The following NFAT5 variants were observed in gnomAD, a reference collection of about 807,000 sequenced individuals.
NFAT5 encodes the protein nuclear factor of activated T cells 5.
In NFAT5, 31 loss-of-function variants were observed where a neutral mutation model predicts 166.5. The observed-to-expected ratio is 0.19, with a 90% CI of 0.14 to 0.25. The LOEUF is 0.25. Ranked by LOEUF, NFAT5 falls within the 10% of genes least tolerant of loss-of-function variation. The pLI, the probability that NFAT5 is intolerant of heterozygous loss-of-function variation, is 1.00. For synonymous variants in NFAT5, 612 were observed against 639.7 expected (o/e 0.96, Z 0.65); for missense variants, 1,449 against 1,821.8 (o/e 0.80, Z 3.72).
chr16:69,683,614 A>G (rs1467995282), intron 10 of NFAT5, among the ~76,000 whole-genome samples: 2 of 152,178 alleles, frequency 1.3e-5, no homozygotes, highest in East Asian at 3.9e-4. Context: ...AATTTATTAA[A>G]CTTTATTTTT....
chr16:69,593,029 T>A (rs1170458504), intron 2 of NFAT5, among the ~76,000 whole-genome samples: 1 of 152,204 alleles, frequency 6.6e-6, no homozygotes, highest in Non-Finnish European at 1.5e-5. Flanking sequence ...TAAGTACATA[T>A]TTTTCTAATT....
intron 3 of NFAT5, 37 bp from the exon 4 acceptor site, chr16:69,646,991 A>C (rs771176891): frequency 7.4e-6 from 11 of 1,485,494 alleles, no homozygotes; most frequent in Non-Finnish European, 9.9e-6. Context: ...AGGTGAAAAC[A>C]TGTATAGTGT....
At chr16:69,644,983 A>T in intron 3 of NFAT5, 1 of 279,666 alleles carries the variant, frequency 3.6e-6, no homozygotes, top group South Asian at 3.4e-5. Flanking sequence ...AAAATGAAGA[A>T]CATAGGCTCA....
At position 69,641,845 on chromosome 16, in the gene NFAT5, C is replaced by T. The variant is rs567942690; in HGVS notation, c.254-5183C>T. On this transcript the variant is annotated intron_variant, in intron 3 of 14. Transcript: ENST00000349945. ...GGGCATGGTGCCTCATGCCTGTAAT[C>T]CTAGCACTTTGGGAGGCTGAGGTGG... Among the ~76,000 whole-genome samples the T allele has an allele frequency of 4.2e-4, 64 of 152,184 alleles. 2 individuals are homozygous for T. In the South Asian group the frequency reaches 0.013, roughly 30 times the overall value.
chr16:69,593,776 C>T (rs535673001), intron 2 of NFAT5, among the ~76,000 whole-genome samples: 6 of 152,186 alleles, frequency 3.9e-5, no homozygotes, highest in South Asian at 2.1e-4. Flanking sequence ...GAAGAAAACA[C>T]GCCATTTTGT....
At position 69,693,762 on chromosome 16, in the gene NFAT5, C is replaced by A; in HGVS notation, c.3937C>A (p.Gln1313Lys). The change falls in exon 13 of 15, where the codon CAA becomes AAA. Residue 1313 changes from glutamine to lysine, a missense_variant. Gln to Lys is a moderately conservative substitution (Grantham distance 53). Transcript: ENST00000349945. Reference protein sequence around the residue: ...PPPNMIFNPNQNPMANQEQQN... With the variant: ...PPPNMIFNPNKNPMANQEQQN... Reference sequence around the variant, plus strand: ...ACCAAACATGATATTCAACCCAAATCAAAATCCAATGGCTAATCAGGAGCA... The same window carrying A: ...ACCAAACATGATATTCAACCCAAATAAAAATCCAATGGCTAATCAGGAGCA... The A allele has an allele frequency of 6.2e-7, 1 of 1,614,224 alleles. No individual in the cohort carries two copies. Among genetic ancestry groups the A allele is most frequent in the Non-Finnish European group, 8.5e-7 (1 of 1,180,040 alleles).
intron 2 of NFAT5, among the ~76,000 whole-genome samples, chr16:69,595,467 A>G (rs138804740): frequency 5.3e-5 from 8 of 152,110 alleles, no homozygotes; most frequent in African/African-American, 1.9e-4. Context: ...GGGGGTAGCT[A>G]TGAAAGATTC....
At chr16:69,648,452 T>A (rs1458081181) in intron 4 of NFAT5, 2 of 984,564 alleles carry the variant, frequency 2.0e-6, no homozygotes, top group Admixed American at 1.2e-4. Context: ...GAGTCGATAT[T>A]TTTTTTAAAT....
At chr16:69,673,242 C>A (rs2036696314) in intron 9 of NFAT5, among the ~76,000 whole-genome samples, 1 of 152,052 alleles carries the variant, frequency 6.6e-6, no homozygotes, top group South Asian at 2.1e-4. Context: ...ATAATATAAT[C>A]TGTCATTAAT....
chr16:69,578,075 C>T (rs2031415204), intron 2 of NFAT5, among the ~76,000 whole-genome samples: 1 of 151,996 alleles, frequency 6.6e-6, no homozygotes, highest in Admixed American at 6.6e-5. Context: ...TGCAGTGTAA[C>T]AGCTATTTAT....
At chr16:69,669,569 G>A (rs1157835983) in intron 7 of NFAT5, among the ~76,000 whole-genome samples, 1 of 152,020 alleles carries the variant, frequency 6.6e-6, no homozygotes, top group Non-Finnish European at 1.5e-5. Flanking sequence ...TTAGATTTTT[G>A]GATTAGGGAT....
intron 11 of NFAT5, among the ~76,000 whole-genome samples, chr16:69,689,466 G>A (rs1008738581): frequency 5.3e-5 from 8 of 152,170 alleles, no homozygotes; most frequent in African/African-American, 1.9e-4. Flanking sequence ...GTTTTCATAG[G>A]AATTAGGTTT....
At chr16:69,579,773 C>T (rs1373489060) in intron 2 of NFAT5, among the ~76,000 whole-genome samples, 1 of 152,194 alleles carries the variant, frequency 6.6e-6, no homozygotes, top group Non-Finnish European at 1.5e-5. Flanking sequence ...ACATATTTAT[C>T]AGGGTTGTAA....
chr16:69,579,203 T>C (rs1209212858), intron 2 of NFAT5, among the ~76,000 whole-genome samples: 2 of 152,190 alleles, frequency 1.3e-5, no homozygotes, highest in Non-Finnish European at 2.9e-5. Context: ...TATTGTGAAC[T>C]CCAAGACATT....
At chr16:69,688,197 C>T (rs1408184948) in intron 11 of NFAT5, among the ~76,000 whole-genome samples, 8 of 56,784 alleles carry the variant, frequency 1.4e-4, no homozygotes, top group African/African-American at 2.9e-4. Context: ...AGCGAGACTC[C>T]GTCTCAAAAA....
intron 7 of NFAT5, among the ~76,000 whole-genome samples, chr16:69,668,188 C>G (rs968431573): frequency 1.3e-5 from 2 of 151,988 alleles, no homozygotes; most frequent in African/African-American, 4.8e-5. Flanking sequence ...GGCTGACCAA[C>G]TTGAACTCCT....
chr16:69,658,396 T>C (rs2035982184), intron 6 of NFAT5, among the ~76,000 whole-genome samples: 1 of 150,210 alleles, frequency 6.7e-6, no homozygotes, highest in Non-Finnish European at 1.5e-5. Context: ...GGCAGGAGAA[T>C]CTCTGGAACC....
chr16:69,674,127 C>G (rs2036736384), intron 9 of NFAT5, among the ~76,000 whole-genome samples: 1 of 151,330 alleles, frequency 6.6e-6, no homozygotes, highest in Non-Finnish European at 1.5e-5. Context: ...CCTGTAATCC[C>G]AGCTACTTAG....
At chr16:69,645,071 A>G (rs2035380298) in intron 3 of NFAT5, among the ~76,000 whole-genome samples, 1 of 152,168 alleles carries the variant, frequency 6.6e-6, no homozygotes, top group Admixed American at 6.6e-5. Flanking sequence ...TACCTTTTCT[A>G]TTTTTTCTAA....
Sources: allele counts gnomAD v4.1 joint callset (sites outside exome capture counted in the v4.1 genomes callset), GRCh38; gene constraint gnomAD v4.1.1; transcripts MANE v1.5; gene names NCBI Gene and HGNC (gene_info 2026-07-23, HGNC 2026-07-21).